INO80: variants seen among roughly 807,000 people sequenced by gnomAD.
INO80 encodes chromatin-remodeling ATPase INO80.
In INO80, 20 loss-of-function variants were observed where a neutral mutation model predicts 203.4. The observed-to-expected ratio is 0.10, with a 90% CI of 0.07 to 0.14. The LOEUF is 0.14. Ranked by LOEUF, INO80 falls within the 10% of genes least tolerant of loss-of-function variation. INO80 has a pLI of 1.00. For missense variants in INO80, 1,419 were observed against 1,914.4 expected, an observed-to-expected ratio of 0.74 and a Z score of 4.83; for synonymous variants, 726 against 685.2, an observed-to-expected ratio of 1.06 and a Z score of -0.93.
At position 41,014,063 on chromosome 15, in the gene INO80, T is replaced by C. The variant is rs139862525; in HGVS notation, c.3402+2025A>G. On this transcript the variant is annotated intron_variant, in intron 27 of 35. Coordinates refer to ENST00000648947, the MANE Select transcript of INO80 (RefSeq NM_017553.3). ...AGCTTATCATACTCTGAATTACTTA[T>C]TTTAGTAATATTTAATGAGAACCTA... 1.0e-3 allele frequency among the ~76,000 whole-genome samples: 155 copies of C among 152,282 alleles called. 1 individual carries two copies. The highest frequency in any genetic ancestry group is 2.4e-3 in the African/African-American group (100 of 41,556).
intron 1 of INO80, among the ~76,000 whole-genome samples, chr15:41,100,488 T>C (rs1396797654): frequency 1.3e-5 from 2 of 152,232 alleles, no homozygotes; most frequent in Non-Finnish European, 2.9e-5. Flanking sequence ...CCTCAATATA[T>C]GCTCCCTTTT....
At chr15:41,102,688 T>C (rs2045827276) in intron 1 of INO80, among the ~76,000 whole-genome samples, 3 of 151,974 alleles carry the variant, frequency 2.0e-5, no homozygotes, top group Non-Finnish European at 2.9e-5. Context: ...AAAAAGGGTG[T>C]ATTATAAAAT....
At chr15:41,074,615 A>G (rs762042014) in intron 9 of INO80, 50 bp from the exon 10 acceptor site, 4 of 1,324,888 alleles carry the variant, frequency 3.0e-6, no homozygotes, top group Non-Finnish European at 4.2e-6. Flanking sequence ...ATGATATCCA[A>G]GAAGTAGTCC....
intron 27 of INO80, among the ~76,000 whole-genome samples, chr15:41,007,871 T>C (rs2044073134): frequency 1.3e-5 from 2 of 151,552 alleles, no homozygotes; most frequent in African/African-American, 4.9e-5. Context: ...AAGACAAAGG[T>C]TGGGGCCAGG....
intron 28 of INO80, chr15:41,005,352 G>A: frequency 2.5e-6 from 1 of 394,902 alleles, no homozygotes; most frequent in Non-Finnish European, 4.5e-6. Flanking sequence ...ATAGGCACTG[G>A]TGTCATAAGA....
intron 29 of INO80, 107 bp from the exon 30 acceptor site, chr15:40,988,081 A>AT (rs1596235501): frequency 1.2e-6 from 1 of 853,574 alleles, no homozygotes; most frequent in East Asian, 2.5e-5. Context: ...GTAGGGTCTG[A>AT]TTCGTTTCTA....
intron 23 of INO80, among the ~76,000 whole-genome samples, chr15:41,046,425 G>A (rs1349739707): frequency 4.6e-5 from 7 of 150,744 alleles, no homozygotes; most frequent in Non-Finnish European, 1.0e-4. Context: ...CGGGGTTTCA[G>A]CATGTTGGCC....
At chr15:41,097,533 G>A (rs1161957823) in intron 1 of INO80, among the ~76,000 whole-genome samples, 1 of 151,142 alleles carries the variant, frequency 6.6e-6, no homozygotes, top group Non-Finnish European at 1.5e-5. Flanking sequence ...CTTGCAGTAG[G>A]GTGATCTCAG....
At chr15:40,987,269 T>C (rs2043749934) in intron 30 of INO80, 76 bp from the exon 31 acceptor site, 2 of 889,838 alleles carry the variant, frequency 2.2e-6, no homozygotes, top group Admixed American at 3.8e-5. Context: ...AAGATACACA[T>C]CGTTCTCAAC....
intron 31 of INO80, 63 bp from the exon 32 acceptor site, chr15:40,985,489 T>C: frequency 8.4e-7 from 1 of 1,185,776 alleles, no homozygotes; most frequent in East Asian, 2.3e-5. Context: ...CTCACTCTCT[T>C]AATTAAGGTG....
Position 40,984,754 on chromosome 15 carries a change from G to A in INO80, c.3922-402C>T, listed in dbSNP as rs187939873. Among the ~76,000 whole-genome samples, 411 of 152,302 alleles carry A rather than the reference G, an allele frequency of 2.7e-3. 3 individuals are homozygous for A. The highest frequency in any genetic ancestry group is 0.013 in the South Asian group (63 of 4,824). On this transcript the variant is annotated intron_variant, in intron 32 of 35. Coordinates refer to ENST00000648947, the MANE Select transcript of INO80 (RefSeq NM_017553.3). ...AATGGGCCGAAGAGCCTCACCAGCC[G>A]CTGGCACATCCAGCACTTATTGAGG...
intron 1 of INO80, among the ~76,000 whole-genome samples, chr15:41,102,075 C>T (rs1353269153): frequency 6.6e-6 from 1 of 151,972 alleles, no homozygotes. Flanking sequence ...CCTGTAGTCC[C>T]AGCTACTCAG....
intron 11 of INO80, 143 bp from the exon 12 acceptor site, chr15:41,072,201 G>C: frequency 5.3e-6 from 3 of 562,428 alleles, no homozygotes; most frequent in Non-Finnish European, 6.1e-6. Context: ...ATAATATAAC[G>C]TAGTATCATA....
At chr15:40,997,656 GTA>G in intron 28 of INO80, 55 bp from the exon 29 acceptor site, 1 of 1,151,844 alleles carries the variant, frequency 8.7e-7, no homozygotes, top group Non-Finnish European at 1.3e-6. Flanking sequence ...AAAATGGCAT[GTA>G]TCAATAGAGA....
chr15:41,079,630 C>A, intron 9 of INO80, 71 bp downstream of exon 9: 9 of 1,265,456 alleles, frequency 7.1e-6, no homozygotes, highest in Non-Finnish European at 1.0e-5. Flanking sequence ...GTACAATTTT[C>A]AAAATGCAAA....
intron 27 of INO80, among the ~76,000 whole-genome samples, chr15:41,015,381 T>C (rs2044188381): frequency 6.6e-6 from 1 of 152,200 alleles, no homozygotes. Context: ...TGTAGTCAAG[T>C]TGAGAATCAC....
At chr15:41,003,688 T>C (rs1215357905) in intron 28 of INO80, among the ~76,000 whole-genome samples, 1 of 152,210 alleles carries the variant, frequency 6.6e-6, no homozygotes, top group Admixed American at 6.5e-5. Context: ...CATTATAATC[T>C]ATAAAGTCCC....
chr15:41,018,792 G>A (rs948668372), intron 26 of INO80: 1 of 152,148 alleles, frequency 6.6e-6, no homozygotes, highest in East Asian at 1.9e-4. Flanking sequence ...TCCACCTGTC[G>A]CTAAGCAGGA....
In INO80 at chr15:41,098,080, G is replaced by A. The variant is rs972145304; in HGVS notation, c.-43-1727C>T. Among the ~76,000 whole-genome samples the A allele has an allele frequency of 2.0e-5, 3 of 152,194 alleles. No homozygotes were observed. In the East Asian group the frequency reaches 5.8e-4, roughly 30 times the overall value. ...TTGGCCAGAATGGTCTTGATCTCCT[G>A]ACCTTGTGATCCGCCTGTCTCAGCC... On this transcript the variant is annotated intron_variant, in intron 1 of 35. Transcript: ENST00000648947.
Sources: allele counts gnomAD v4.1 joint callset (sites outside exome capture counted in the v4.1 genomes callset), GRCh38; gene constraint gnomAD v4.1.1; transcripts MANE v1.5; gene names NCBI Gene and HGNC (gene_info 2026-07-23, HGNC 2026-07-21).